FXYD1: variants seen among roughly 807,000 people sequenced by gnomAD.
FXYD1 encodes FXYD domain containing ion transport regulator 1.
A neutral mutation model predicts 17.2 loss-of-function variants in FXYD1; 9 were observed. The ratio of observed to expected loss-of-function variants is 0.52; its 90% CI spans 0.32 to 0.91. The LOEUF (loss-of-function observed/expected upper bound fraction) is 0.91, where lower values mean the gene tolerates loss of function less well. Among genes scored for constraint, FXYD1 ranks in the 40% least tolerant of loss-of-function variants. FXYD1 has a pLI of 0.04. For missense variants in FXYD1, 113 were observed against 120.6 expected (o/e 0.94, Z 0.29); for synonymous variants, 55 against 45.8 (o/e 1.20, Z -0.81).
At chr19:35,139,261 C>CTG (rs56256016) in intron 1 of FXYD1, 7,665 of 146,358 alleles carry the variant, frequency 0.052, 240 homozygotes, top group East Asian at 0.098. Flanking sequence ...TCCGGCCCCA[C>CTG]TGTGTGTGTG....
intron 2 of FXYD1, 74 bp downstream of exon 2, chr19:35,140,214 G>T: frequency 1.1e-6 from 1 of 884,150 alleles, no homozygotes; most frequent in East Asian, 2.4e-5. Flanking sequence ...AACCAAGTTG[G>T]AGACCCCAAC....
intron 5 of FXYD1, 41 bp from the exon 6 acceptor site, chr19:35,142,431 C>T (rs375111127): frequency 5.0e-5 from 76 of 1,529,060 alleles, no homozygotes; most frequent in Non-Finnish European, 6.6e-5. Flanking sequence ...GCAGCCTCTC[C>T]CCCTTTCCAT....
intron 6 of FXYD1, 67 bp downstream of exon 6, chr19:35,142,588 C>T: frequency 1.3e-6 from 2 of 1,558,370 alleles, no homozygotes; most frequent in Non-Finnish European, 1.8e-6. Context: ...TTTCCCGGCC[C>T]TCCCTGGCTG....
At chr19:35,137,431 G>A (rs531836309), upstream of FXYD1, among the ~76,000 whole-genome samples, 1 of 152,340 alleles carries the variant, frequency 6.6e-6, no homozygotes, top group East Asian at 1.9e-4. Context: ...GTTTGCTCAA[G>A]CATAGGGTGT....
intron 1 of FXYD1, 29 bp downstream of exon 1, chr19:35,138,923 G>A (rs1451253010): frequency 6.6e-6 from 1 of 152,444 alleles, no homozygotes; most frequent in African/African-American, 2.4e-5. Context: ...TTCCCTCCAG[G>A]CCTCACCCCT....
chr19:35,141,683 T>C, intron 5 of FXYD1, 111 bp downstream of exon 5: 2 of 854,360 alleles, frequency 2.3e-6, no homozygotes, highest in Non-Finnish European at 3.8e-6. Context: ...CGACTATGTA[T>C]TAAGCACCTA....
chr19:35,138,860 G>A lies in FXYD1; in HGVS notation c.-39G>A, dbSNP rs1461259990. 6.6e-6 allele frequency: 1 copy of A among 152,472 alleles called. No homozygotes were observed. The highest frequency in any genetic ancestry group is 1.9e-4 in the East Asian group (1 of 5,196). 9.4% of individuals were successfully genotyped at this position (152,472 alleles called of 1,614,324 possible). ...CCCCCGGGGCACAGCAGGACGTTTG[G>A]GGGCCTTCTTTCAGCAGGGGACAGC... On this transcript the variant is annotated 5_prime_UTR_variant, in exon 1 of 8. Transcript: ENST00000351325.
intron 2 of FXYD1, 81 bp from the exon 3 acceptor site, chr19:35,140,516 A>G: frequency 7.8e-7 from 1 of 1,279,574 alleles, no homozygotes; most frequent in Non-Finnish European, 1.1e-6. Flanking sequence ...CCAGCAAGGC[A>G]GAGCCTCCAG....
Position 35,142,779 on chromosome 19 carries a change from A to C in FXYD1, c.*29+8A>C. The C allele has an allele frequency of 6.2e-7, 1 of 1,605,460 alleles. No homozygotes were observed. The highest frequency in any genetic ancestry group is 8.5e-7 in the Non-Finnish European group (1 of 1,173,084). On this transcript the variant is annotated splice_region_variant and intron_variant, in intron 7 of 7. Transcript: ENST00000351325. ...GCGATGGAATCCGGCCAGGTGCTGC[A>C]GCTCTGACACGGCGGTGGGAGGGAA...
chr19:35,141,115 T>G lies in FXYD1; in HGVS notation c.95-17T>G. 6.4e-7 allele frequency: 1 copy of G among 1,567,524 alleles called. No individual in the cohort carries two copies. Among genetic ancestry groups the G allele is most frequent in the Non-Finnish European group, 8.8e-7 (1 of 1,138,286 alleles). ...CTGTCTTCCCTGCCCTCACCTTCCCTGCTCTGCTGCTCACAGACTACCAGT... is the reference window on the plus strand; with the variant it reads ...CTGTCTTCCCTGCCCTCACCTTCCCGGCTCTGCTGCTCACAGACTACCAGT... On this transcript the variant is annotated splice_polypyrimidine_tract_variant and intron_variant, in intron 3 of 7. Transcript: ENST00000351325.
intron 1 of FXYD1, chr19:35,139,758 C>T (rs1472087369): frequency 6.0e-6 from 2 of 335,958 alleles, no homozygotes; most frequent in Non-Finnish European, 1.1e-5. Flanking sequence ...GCCTCCTCTG[C>T]CCTGCCAGGG....
intron 1 of FXYD1, 45 bp from the exon 2 acceptor site, chr19:35,140,031 G>T (rs1337431292): frequency 1.9e-6 from 3 of 1,571,352 alleles, no homozygotes; most frequent in Non-Finnish European, 2.6e-6. Flanking sequence ...GCCCTATGTG[G>T]GAGAGCAAGG....
intron 3 of FXYD1, 22 bp from the exon 4 acceptor site, chr19:35,141,110 T>G: frequency 6.5e-7 from 1 of 1,540,722 alleles, no homozygotes; most frequent in Non-Finnish European, 9.0e-7. Context: ...TGCCCTCACC[T>G]TCCCTGCTCT....
Position 35,140,910 on chromosome 19 carries a change from C to A in FXYD1, c.95-222C>A, listed in dbSNP as rs75608079. ...TGCTTCTTCCCGTCTTCTCTCCCCC[C>A]TGTCCTCCTCCTCCCTGTCCCCTCC... On this transcript the variant is annotated intron_variant, in intron 3 of 7. Transcript: ENST00000351325. The A allele has an allele frequency of 5.1e-3, 2,994 of 590,032 alleles. 60 individuals are homozygous for A. Among genetic ancestry groups the A allele is most frequent in the African/African-American group, 0.046 (2,452 of 52,918 alleles). 36.5% of individuals were successfully genotyped at this position (590,032 alleles called of 1,614,324 possible). A position where few individuals can be genotyped will look rare whatever the true frequency, so the allele number is the denominator to read the frequency against.
intron 5 of FXYD1, 39 bp from the exon 6 acceptor site, chr19:35,142,433 C>A: frequency 3.9e-6 from 6 of 1,549,662 alleles, no homozygotes; most frequent in Non-Finnish European, 5.3e-6. Context: ...AGCCTCTCCC[C>A]CTTTCCATCC....
chr19:35,142,695 C>A (rs570867145), intron 6 of FXYD1, 25 bp from the exon 7 acceptor site: 1 of 1,612,622 alleles, frequency 6.2e-7, no homozygotes, highest in South Asian at 1.1e-5. Flanking sequence ...TCCAGAATGA[C>A]CCCCGATCTC....
chr19:35,141,406 C>A, intron 4 of FXYD1, 130 bp from the exon 5 acceptor site: 1 of 782,296 alleles, frequency 1.3e-6, no homozygotes, highest in Non-Finnish European at 2.2e-6. Context: ...GTTCCCCGGC[C>A]CCCGGTCTCG....
rs750942101 is a variant in FXYD1 at position 35,141,213 on chromosome 19, G to GC, written c.169+11dup. The GC allele has an allele frequency of 5.1e-6, 8 of 1,577,772 alleles. No homozygotes were observed. Among genetic ancestry groups the GC allele is most frequent in the Admixed American group, 3.3e-5 (2 of 59,824 alleles). On this transcript the variant is annotated splice_region_variant and intron_variant, in intron 4 of 7. Transcript: ENST00000351325. ...GGCATCCTCATCGTGCTGAGTGAGT[G>GC]CCCCTAGCTCCCGCCCTCTACCCCG...
In FXYD1 at chr19:35,142,312, C is replaced by T. The variant is rs576173333; in HGVS notation, c.207-160C>T. 77 of 628,752 alleles carry T rather than the reference C, an allele frequency of 1.2e-4. No individual in the cohort carries two copies. In the African/African-American group the frequency reaches 1.3e-3, roughly 10 times the overall value. 38.9% of individuals were successfully genotyped at this position (628,752 alleles called of 1,614,324 possible). A position where few individuals can be genotyped will look rare whatever the true frequency, so the allele number is the denominator to read the frequency against. On this transcript the variant is annotated intron_variant, in intron 5 of 7. Coordinates refer to ENST00000351325, the MANE Select transcript of FXYD1 (RefSeq NM_021902.4). Reference sequence around the variant, plus strand: ...GCCCCCTGCCAGCACATAAGCTGCTCCTGGGTGCTCCTCATTTCTGGCGGA... The same window carrying T: ...GCCCCCTGCCAGCACATAAGCTGCTTCTGGGTGCTCCTCATTTCTGGCGGA...
Sources: allele counts gnomAD v4.1 joint callset (sites outside exome capture counted in the v4.1 genomes callset), GRCh38; gene constraint gnomAD v4.1.1; transcripts MANE v1.5; gene names NCBI Gene and HGNC (gene_info 2026-07-23, HGNC 2026-07-21).